Variants in SULT1C2 observed in about 807,000 individuals in gnomAD.
The protein encoded by SULT1C2 is sulfotransferase family 1C member 2.
Under a neutral mutation model 36.0 loss-of-function variants are expected in SULT1C2, and 27 were observed. The observed-to-expected ratio is 0.75, with a 90% confidence interval of 0.55 to 1.03. The LOEUF is 1.03. SULT1C2 is among the 50% of genes least tolerant of loss of function. SULT1C2 has a pLI of 0.00. For missense variants in SULT1C2, 395 were observed against 359.2 expected (o/e 1.10, Z -0.80); for synonymous variants, 121 against 116.0 (o/e 1.04, Z -0.27).
chr2:108,305,635 T>A, intron 7 of SULT1C2, 40 bp downstream of exon 7: 1 of 1,610,150 alleles, frequency 6.2e-7, no homozygotes. Flanking sequence ...GATTGTCTCG[T>A]AACATCCTGT....
chr2:108,303,196 A>T (rs1238847317), intron 4 of SULT1C2: 2 of 152,292 alleles, frequency 1.3e-5, no homozygotes, highest in Non-Finnish European at 2.9e-5. Flanking sequence ...ACTTGCTCTA[A>T]AGGGCCTGGG....
At chr2:108,306,917 T>C (rs1443384284) in intron 7 of SULT1C2, among the ~76,000 whole-genome samples, 1 of 151,768 alleles carries the variant, frequency 6.6e-6, no homozygotes, top group East Asian at 1.9e-4. Flanking sequence ...AATAAATAAA[T>C]AAATAAAATC....
intron 1 of SULT1C2, among the ~76,000 whole-genome samples, chr2:108,293,302 A>G (rs948011692): frequency 3.3e-5 from 5 of 152,160 alleles, no homozygotes; most frequent in Non-Finnish European, 2.9e-5. Flanking sequence ...TCAAGCTTTC[A>G]ATTAAGCATA....
intron 1 of SULT1C2, among the ~76,000 whole-genome samples, chr2:108,293,302 A>C (rs948011692): frequency 1.3e-5 from 2 of 152,160 alleles, no homozygotes; most frequent in African/African-American, 2.4e-5. Context: ...TCAAGCTTTC[A>C]ATTAAGCATA....
At chr2:108,303,886 T>C (rs1676950858) in intron 4 of SULT1C2, 1 of 152,078 alleles carries the variant, frequency 6.6e-6, no homozygotes, top group Non-Finnish European at 1.5e-5. Flanking sequence ...GAGAACCACT[T>C]AAAAGTGAAA....
chr2:108,305,136 C>T lies in SULT1C2; in HGVS notation c.503-36C>T, dbSNP rs1372832908. On this transcript the variant is annotated intron_variant, in intron 5 of 7. Transcript: ENST00000251481. ...ATACTCAGAAGGTTTTGTGTGATGC[C>T]TATGTAGACTATTCTGTTTCCTGTG... 3 of 1,610,510 alleles carry T rather than the reference C, an allele frequency of 1.9e-6. No individual in the cohort carries two copies. The Admixed American group carries it at 5.0e-5, about 27-fold the overall frequency.
chr2:108,293,419 C>T lies in SULT1C2; in HGVS notation c.-21-228C>T, dbSNP rs55757901. The stretch of plus-strand genomic sequence containing the variant: ...GAGACAGAGAATAAAATGGTGGTTG[C>T]CAGGAGCTGAGGGAGGGGGAATGGG... On this transcript the variant is annotated intron_variant, in intron 1 of 7. Coordinates refer to ENST00000251481, the MANE Select transcript of SULT1C2 (RefSeq NM_001056.4). 9.2e-5 allele frequency among the ~76,000 whole-genome samples: 14 copies of T among 151,872 alleles called. No individual in the cohort carries two copies. In the East Asian group the frequency reaches 2.7e-3, roughly 29 times the overall value.
At chr2:108,306,976 C>G (rs1473578546) in intron 7 of SULT1C2, among the ~76,000 whole-genome samples, 1 of 152,082 alleles carries the variant, frequency 6.6e-6, no homozygotes, top group Non-Finnish European at 1.5e-5. Flanking sequence ...ACTCCACCCC[C>G]AAGAAGTAAC....
At chr2:108,308,331 G>C in intron 7 of SULT1C2, 21 bp from the exon 8 acceptor site, 1 of 1,593,338 alleles carries the variant, frequency 6.3e-7, no homozygotes, top group Non-Finnish European at 8.5e-7. Context: ...TGACACTCCT[G>C]TCTGGCCTTC....
intron 4 of SULT1C2, chr2:108,303,773 A>G (rs1400545140): frequency 6.6e-6 from 1 of 152,220 alleles, no homozygotes; most frequent in African/African-American, 2.4e-5. Flanking sequence ...TGGCCCCTGC[A>G]TGGATGCCAG....
intron 2 of SULT1C2, among the ~76,000 whole-genome samples, 163 bp downstream of exon 2, chr2:108,293,981 G>C (rs1676660640): frequency 6.6e-6 from 1 of 152,184 alleles, no homozygotes; most frequent in African/African-American, 2.4e-5. Context: ...GAGTTTTCCA[G>C]GAAAGCTGCT....
intron 7 of SULT1C2, among the ~76,000 whole-genome samples, chr2:108,307,837 C>A (rs1325212263): frequency 6.6e-6 from 1 of 152,110 alleles, no homozygotes; most frequent in Admixed American, 6.5e-5. Flanking sequence ...ATTTTCATTA[C>A]CCCAGAAAGT....
At chr2:108,291,941 T>C (rs575312494) in intron 1 of SULT1C2, among the ~76,000 whole-genome samples, 2 of 152,342 alleles carry the variant, frequency 1.3e-5, no homozygotes, top group East Asian at 3.9e-4. Context: ...AAAATTTTCA[T>C]AAATAATTTG....
At chr2:108,302,327 A>C (rs1676903862) in intron 4 of SULT1C2, 1 of 152,234 alleles carries the variant, frequency 6.6e-6, no homozygotes, top group Admixed American at 6.5e-5. Context: ...TGGGTGGAGG[A>C]GGCAGAGAAA....
At chr2:108,299,952 T>C (rs1676831693) in intron 3 of SULT1C2, 1 of 152,270 alleles carries the variant, frequency 6.6e-6, no homozygotes, top group Non-Finnish European at 1.5e-5. Flanking sequence ...ATGATTCGCA[T>C]GAGCCTCTGA....
intron 4 of SULT1C2, chr2:108,303,342 G>A (rs12620050): frequency 0.27 from 41,741 of 152,602 alleles, 7,494 homozygotes; most frequent in East Asian, 0.8. Flanking sequence ...AATGGGATAG[G>A]TCAGGAGGAA....
chr2:108,308,733 T>C lies in SULT1C2; in HGVS notation c.*269T>C, dbSNP rs17036117. The C allele has an allele frequency of 1.8e-4, 67 of 362,494 alleles. No individual in the cohort carries two copies. Among genetic ancestry groups the C allele is most frequent in the African/African-American group, 1.3e-3 (62 of 47,980 alleles). The allele number at this position is 362,494 out of a possible 1,614,324, so 22.5% of individuals were successfully genotyped here. A position where few individuals can be genotyped will look rare whatever the true frequency, so the allele number is the denominator to read the frequency against. ...AACGTATGACTTGAGTACAAAAGGA[T>C]TGTTTTAATCCCCATTATTCTGGAA... On this transcript the variant is annotated 3_prime_UTR_variant, in exon 8 of 8. Coordinates refer to ENST00000251481, the MANE Select transcript of SULT1C2 (RefSeq NM_001056.4).
At chr2:108,305,995 C>T (rs55834437) in intron 7 of SULT1C2, among the ~76,000 whole-genome samples, 5,974 of 152,318 alleles carry the variant, frequency 0.039, 354 homozygotes, top group African/African-American at 0.13. Flanking sequence ...CCACCACTTA[C>T]AGGACTCAGC....
At chr2:108,292,238 T>C (rs967102267) in intron 1 of SULT1C2, among the ~76,000 whole-genome samples, 1 of 152,218 alleles carries the variant, frequency 6.6e-6, no homozygotes, top group Non-Finnish European at 1.5e-5. Flanking sequence ...ACGTGTTCGA[T>C]AAATGTTAGC....
Sources: allele counts gnomAD v4.1 joint callset (sites outside exome capture counted in the v4.1 genomes callset), GRCh38; gene constraint gnomAD v4.1.1; transcripts MANE v1.5; gene names NCBI Gene and HGNC (gene_info 2026-07-23, HGNC 2026-07-21).